The following PCDHGB5 variants were observed in gnomAD, a reference collection of about 807,000 sequenced individuals.
PCDHGB5 encodes protocadherin gamma subfamily B, 5.
PCDHGB5 carries 48 observed loss-of-function variants against 62.9 expected under a neutral mutation model. That is an observed-to-expected ratio of 0.76 (90% CI 0.61 to 0.97). PCDHGB5 has a LOEUF of 0.97. Ranked by LOEUF, PCDHGB5 falls within the 50% of genes least tolerant of loss-of-function variation. PCDHGB5 has a pLI of 0.00. For synonymous variants in PCDHGB5, 474 were observed against 511.2 expected (o/e 0.93, Z 0.98); for missense variants, 1,118 against 1,198.6 (o/e 0.93, Z 0.99).
chr5:141,468,505 C>A (rs1293623271), intron 1 of PCDHGB5: 1 of 152,020 alleles, frequency 6.6e-6, no homozygotes, highest in East Asian at 1.9e-4. Context: ...TTCATGTGGA[C>A]AAATTTAGTA....
intron 1 of PCDHGB5, among the ~76,000 whole-genome samples, chr5:141,470,896 T>C (rs1370454369): frequency 6.6e-6 from 1 of 151,980 alleles, no homozygotes; most frequent in Non-Finnish European, 1.5e-5. Context: ...TTTTGTTTTT[T>C]GTAGAGATGG....
In PCDHGB5 at chr5:141,432,365, G is replaced by A. The variant is rs1561860587; in HGVS notation, c.2397+31841G>A. The A allele has an allele frequency of 6.2e-7, 1 of 1,614,224 alleles. No homozygotes were observed. The highest frequency in any genetic ancestry group is 2.2e-5 in the East Asian group (1 of 44,882). ...CTTGCAAGTGAAAGTGATGGCGCGG[G>A]ACAACGGGCACCCGCCCCTCAGCAG... On this transcript the variant is annotated intron_variant, in intron 1 of 3. Transcript: ENST00000617380. The surrounding 1 kb of genome is among the most constrained non-coding windows in gnomAD (Gnocchi z 6.0).
rs146734417 is a variant in PCDHGB5, at chr5:141,431,409, G to T, written c.2397+30885G>T. The T allele has an allele frequency of 1.9e-6, 3 of 1,613,722 alleles. No homozygotes were observed. Among genetic ancestry groups the T allele is most frequent in the Non-Finnish European group, 2.5e-6 (3 of 1,180,048 alleles). On this transcript the variant is annotated intron_variant, in intron 1 of 3. Transcript: ENST00000617380. This position sits in a 1 kb window ranked among gnomAD's most constrained non-coding sequence, Gnocchi z 4.8. Reference sequence around the variant, plus strand: ...CACCTGGTCCTTACGGCCTCCGACGGGGGCGACCCGGTGCGCACAGGCACC... The same window carrying T: ...CACCTGGTCCTTACGGCCTCCGACGTGGGCGACCCGGTGCGCACAGGCACC...
At position 141,399,930 on chromosome 5, in the gene PCDHGB5, C is replaced by G. The variant is rs1168427748; in HGVS notation, c.1803C>G (p.Ser601=). Reference sequence around the variant, plus strand: ...ACTCAGGACACAACGCCTGGCTGTCCTACCACGTGCTGCAGGCTAGCGAGC... The same window carrying G: ...ACTCAGGACACAACGCCTGGCTGTCGTACCACGTGCTGCAGGCTAGCGAGC... ...DADSGHNAWL[S]YHVLQASEPG... The change falls in exon 1 of 4, where the codon TCC becomes TCG. Residue 601 remains serine, a synonymous_variant. Transcript: ENST00000617380. The G allele has an allele frequency of 6.2e-7, 1 of 1,612,208 alleles. No homozygotes were observed.
At chr5:141,460,043 A>G (rs527752346) in intron 1 of PCDHGB5, among the ~76,000 whole-genome samples, 1 of 152,276 alleles carries the variant, frequency 6.6e-6, no homozygotes, top group South Asian at 2.1e-4. Context: ...GCACCACTGC[A>G]CTCCAGCCTG....
At chr5:141,409,331 G>A (rs1447189643) in intron 1 of PCDHGB5, 1 of 1,613,818 alleles carries the variant, frequency 6.2e-7, no homozygotes, top group African/African-American at 1.3e-5. Context: ...TCTGGATTTC[G>A]GAGGAAATGG....
chr5:141,419,165 A>G, intron 1 of PCDHGB5: 1 of 1,613,978 alleles, frequency 6.2e-7, no homozygotes, highest in Non-Finnish European at 8.5e-7. Flanking sequence ...ATCCTCCAGC[A>G]AAACCATAAC....
chr5:141,440,667 T>C (rs1330266877), intron 1 of PCDHGB5: 1 of 152,218 alleles, frequency 6.6e-6, no homozygotes, highest in East Asian at 1.9e-4. Context: ...GCAGCAACTC[T>C]ATATTTCTCT....
At chr5:141,456,936 C>G (rs1012944904) in intron 1 of PCDHGB5, among the ~76,000 whole-genome samples, 20 of 152,190 alleles carry the variant, frequency 1.3e-4, no homozygotes, top group African/African-American at 4.3e-4. Context: ...GCACTCCAGC[C>G]TGGGCAACAG....
chr5:141,445,093 A>G (rs987863232), intron 1 of PCDHGB5, among the ~76,000 whole-genome samples: 2 of 152,168 alleles, frequency 1.3e-5, no homozygotes, highest in Non-Finnish European at 2.9e-5. Flanking sequence ...TACATATTTG[A>G]TGTTTTCTAA....
At chr5:141,408,959 G>A (rs1434961395) in intron 1 of PCDHGB5, 1 of 1,613,722 alleles carries the variant, frequency 6.2e-7, no homozygotes, top group East Asian at 2.2e-5. Context: ...TAGTCTTAGT[G>A]AAAATCTGCC....
At chr5:141,434,693 T>C (rs2097710124) in intron 1 of PCDHGB5, among the ~76,000 whole-genome samples, 1 of 152,034 alleles carries the variant, frequency 6.6e-6, no homozygotes, top group Non-Finnish European at 1.5e-5. Context: ...TTGCTGTTAA[T>C]AAATATGTGG....
intron 1 of PCDHGB5, chr5:141,421,475 G>A (rs752558543): frequency 4.3e-6 from 7 of 1,614,150 alleles, no homozygotes. Flanking sequence ...CCGCGAAGCG[G>A]CAGCTTGATC....
At chr5:141,460,134 T>TCAAAGA in intron 1 of PCDHGB5, among the ~76,000 whole-genome samples, 1 of 152,066 alleles carries the variant, frequency 6.6e-6, no homozygotes, top group South Asian at 2.1e-4. Flanking sequence ...AATATATATA[T>TCAAAGA]TCTTGATGTG....
chr5:141,459,548 C>G (rs980305784), intron 1 of PCDHGB5, among the ~76,000 whole-genome samples: 2 of 152,036 alleles, frequency 1.3e-5, no homozygotes, highest in African/African-American at 4.8e-5. Flanking sequence ...TTTTATTTCT[C>G]TTGGATAAAT....
intron 1 of PCDHGB5, chr5:141,417,545 T>C: frequency 3.2e-6 from 1 of 312,052 alleles, no homozygotes; most frequent in East Asian, 5.5e-5. Context: ...AAAAAATTCC[T>C]TGAAAGAGGT....
At chr5:141,492,505 C>A (rs1009723421) in intron 1 of PCDHGB5, among the ~76,000 whole-genome samples, 1 of 152,212 alleles carries the variant, frequency 6.6e-6, no homozygotes, top group Admixed American at 6.5e-5. Context: ...GACTCCGGAG[C>A]CTCCTCTCAC....
At chr5:141,423,558 G>A (rs770532900) in intron 1 of PCDHGB5, 1 of 1,613,462 alleles carries the variant, frequency 6.2e-7, no homozygotes, top group African/African-American at 1.3e-5. Flanking sequence ...CCAACTATGG[G>A]GACACGCTCA....
chr5:141,490,380 T>A lies in PCDHGB5; in HGVS notation c.2398-4427T>A. On this transcript the variant is annotated intron_variant, in intron 1 of 3. Coordinates refer to ENST00000617380, the MANE Select transcript of PCDHGB5 (RefSeq NM_018925.3). The surrounding 1 kb of genome is among the most constrained non-coding windows in gnomAD (Gnocchi z 5.4). ...TTAATGTGCGAGACCGGGACTCAGG[T>A]AGAAATGGTGAAGTGAGCCTTGATA... 6.2e-7 allele frequency: 1 copy of A among 1,614,204 alleles called. No homozygotes were observed. The highest frequency in any genetic ancestry group is 1.7e-5 in the Admixed American group (1 of 60,026).
Sources: allele counts gnomAD v4.1 joint callset (sites outside exome capture counted in the v4.1 genomes callset), GRCh38; gene constraint gnomAD v4.1.1; non-coding constraint Gnocchi (gnomAD v3.1); transcripts MANE v1.5; gene names NCBI Gene and HGNC (gene_info 2026-07-23, HGNC 2026-07-21).